The following GRM3 variants were observed in gnomAD, a reference collection of about 807,000 sequenced individuals.
GRM3 encodes glutamate metabotropic receptor 3, also known as metabotropic glutamate receptor 3.
GRM3 carries 26 observed loss-of-function variants against 70.5 expected under a neutral mutation model. The ratio of observed to expected loss-of-function variants is 0.37; its 90% CI spans 0.27 to 0.51. The LOEUF is 0.51. Ranked by LOEUF, GRM3 falls within the 20% of genes least tolerant of loss-of-function variation. GRM3 has a pLI of 0.93. For missense variants in GRM3, 859 were observed against 1,123.8 expected (o/e 0.76, Z 3.37); for synonymous variants, 443 against 434.9 (o/e 1.02, Z -0.23).
chr7:86,829,604 C>T (rs1562876746), intron 3 of GRM3, among the ~76,000 whole-genome samples: 1 of 152,060 alleles, frequency 6.6e-6, no homozygotes, highest in Non-Finnish European at 1.5e-5. Flanking sequence ...GAATAGGAGG[C>T]CTGAGGTGAT....
At chr7:86,686,762 C>G (rs1431104746) in intron 1 of GRM3, among the ~76,000 whole-genome samples, 1 of 151,982 alleles carries the variant, frequency 6.6e-6, no homozygotes, top group South Asian at 2.1e-4. Flanking sequence ...TAAAAACAAG[C>G]TCATCAGCAA....
chr7:86,748,362 A>T (rs991359831), intron 1 of GRM3, among the ~76,000 whole-genome samples: 1 of 152,036 alleles, frequency 6.6e-6, no homozygotes, highest in Non-Finnish European at 1.5e-5. Flanking sequence ...AGTCATTTGG[A>T]GGCAAGTAAC....
At chr7:86,790,090 C>T (rs920137179) in intron 3 of GRM3, among the ~76,000 whole-genome samples, 10 of 152,130 alleles carry the variant, frequency 6.6e-5, no homozygotes, top group African/African-American at 2.4e-4. Flanking sequence ...TTTTTGCCTG[C>T]ATACTTCCTG....
chr7:86,719,141 T>C (rs1382024383), intron 1 of GRM3, among the ~76,000 whole-genome samples: 1 of 151,908 alleles, frequency 6.6e-6, no homozygotes, highest in Admixed American at 6.6e-5. Flanking sequence ...AAAAAAGATG[T>C]AGTGAAAAAA....
intron 5 of GRM3, among the ~76,000 whole-genome samples, chr7:86,858,441 G>A (rs918198823): frequency 1.3e-5 from 2 of 152,002 alleles, no homozygotes; most frequent in East Asian, 3.9e-4. Flanking sequence ...TCAGGGTGGG[G>A]CCCCCATGAT....
Position 86,728,806 on chromosome 7 carries a change from C to T in GRM3, c.-140-36200C>T, listed in dbSNP as rs571001407. On this transcript the variant is annotated intron_variant, in intron 1 of 5. Transcript: ENST00000361669. ...GGTAGTGAAACTGGTAAAGTAACTG[C>T]AATGAAGTCAAAGCCTCTCACAGTG... Among the ~76,000 whole-genome samples the T allele has an allele frequency of 2.0e-5, 3 of 152,258 alleles. No individual in the cohort carries two copies. The South Asian group carries it at 6.2e-4, about 32-fold the overall frequency.
chr7:86,771,046 A>G (rs1796726249), intron 2 of GRM3, among the ~76,000 whole-genome samples: 2 of 152,088 alleles, frequency 1.3e-5, no homozygotes, highest in African/African-American at 4.8e-5. Context: ...ACTGAGAATC[A>G]CTGATCTGGA....
intron 1 of GRM3, among the ~76,000 whole-genome samples, chr7:86,708,634 A>T (rs1795113522): frequency 2.0e-5 from 3 of 152,182 alleles, no homozygotes; most frequent in Admixed American, 2.0e-4. Context: ...CTGGATTTAA[A>T]CACATTTCCT....
chr7:86,769,602 A>G (rs575631683), intron 2 of GRM3, among the ~76,000 whole-genome samples: 1 of 152,126 alleles, frequency 6.6e-6, no homozygotes, highest in Non-Finnish European at 1.5e-5. Flanking sequence ...GGAAGGCAGC[A>G]TAGGAGATAT....
chr7:86,648,500 G>T (rs701333), intron 1 of GRM3, among the ~76,000 whole-genome samples: 32 of 152,242 alleles, frequency 2.1e-4, no homozygotes, highest in African/African-American at 7.5e-4. Context: ...ATGTAATAGT[G>T]TATATAGTTT....
chr7:86,836,259 A>G (rs1050250588), intron 3 of GRM3, among the ~76,000 whole-genome samples: 7 of 152,246 alleles, frequency 4.6e-5, no homozygotes, highest in Admixed American at 2.0e-4. Context: ...TAAAGAACCT[A>G]CGCTTTGACC....
intron 1 of GRM3, among the ~76,000 whole-genome samples, chr7:86,653,786 C>A (rs1793665369): frequency 6.6e-6 from 1 of 151,558 alleles, no homozygotes; most frequent in South Asian, 2.1e-4. Flanking sequence ...ATATTTTATC[C>A]TATATTTTAT....
At position 86,796,870 on chromosome 7, in the gene GRM3, C is replaced by T. The variant is rs946015403; in HGVS notation, c.1324+9754C>T. Among the ~76,000 whole-genome samples the T allele has an allele frequency of 2.6e-5, 4 of 152,122 alleles. No homozygotes were observed. In the East Asian group the frequency reaches 7.7e-4, roughly 29 times the overall value. On this transcript the variant is annotated intron_variant, in intron 3 of 5. Transcript: ENST00000361669. ...TGGTAATTGAATCATGGGGGCAGGT[C>T]TTTTCCACGCTGTTCTCATGATAGG...
chr7:86,775,759 C>T (rs1796869668), intron 2 of GRM3, among the ~76,000 whole-genome samples: 1 of 152,012 alleles, frequency 6.6e-6, no homozygotes. Context: ...ACTTTCTCAT[C>T]TCTGTCTTTG....
chr7:86,804,801 A>G (rs944254776), intron 3 of GRM3, among the ~76,000 whole-genome samples: 4 of 152,176 alleles, frequency 2.6e-5, no homozygotes, highest in African/African-American at 4.8e-5. Flanking sequence ...TGATAATAGG[A>G]TATCCTTCTG....
chr7:86,702,827 C>T (rs888802805), intron 1 of GRM3, among the ~76,000 whole-genome samples: 1 of 151,874 alleles, frequency 6.6e-6, no homozygotes, highest in Non-Finnish European at 1.5e-5. Flanking sequence ...GAACACAATG[C>T]CAGGGTCAAA....
At chr7:86,718,683 A>C (rs151104545) in intron 1 of GRM3, among the ~76,000 whole-genome samples, 1 of 151,960 alleles carries the variant, frequency 6.6e-6, no homozygotes, top group Non-Finnish European at 1.5e-5. Flanking sequence ...AGAGTGTCAA[A>C]CTAGAAATCA....
Position 86,644,857 on chromosome 7 carries a change from G to A in GRM3, c.-156G>A. ...CGCGGTCAGCTCCAGTTCCTGCCAG[G>A]AGTTGTCGGTGCGAGGTAAGGGTCC... On this transcript the variant is annotated 5_prime_UTR_variant, in exon 1 of 6. Transcript: ENST00000361669. 1 of 1,289,246 alleles carries A rather than the reference G, an allele frequency of 7.8e-7. No individual in the cohort carries two copies. The highest frequency in any genetic ancestry group is 1.2e-5 in the South Asian group (1 of 81,008). 79.9% of individuals were successfully genotyped at this position (1,289,246 alleles called of 1,614,324 possible). A position where few individuals can be genotyped will look rare whatever the true frequency, so the allele number is the denominator to read the frequency against.
At chr7:86,710,146 G>A (rs1795159877) in intron 1 of GRM3, 1 of 152,066 alleles carries the variant, frequency 6.6e-6, no homozygotes, top group Non-Finnish European at 1.5e-5. Context: ...GGCTGCAAAT[G>A]TAACTTCTAT....
Sources: allele counts gnomAD v4.1 joint callset (sites outside exome capture counted in the v4.1 genomes callset), GRCh38; gene constraint gnomAD v4.1.1; transcripts MANE v1.5; gene names NCBI Gene and HGNC (gene_info 2026-07-23, HGNC 2026-07-21).